MED13L: variants seen among roughly 807,000 people sequenced by gnomAD.
The protein encoded by MED13L is mediator of RNA polymerase II transcription subunit 13-like.
MED13L carries 7 observed loss-of-function variants against 220.9 expected under a neutral mutation model. The ratio of observed to expected loss-of-function variants is 0.03; its 90% CI spans 0.02 to 0.06. MED13L has a LOEUF of 0.06. Among genes scored for constraint, MED13L ranks in the 10% least tolerant of loss-of-function variants. The pLI, the probability that MED13L is intolerant of heterozygous loss-of-function variation, is 1.00. For missense variants in MED13L, 1,965 were observed against 2,760.5 expected (o/e 0.71, Z 6.46); for synonymous variants, 1,011 against 1,015.2 (o/e 1.00, Z 0.08).
At chr12:115,986,007 A>G (rs1313922110) in intron 19 of MED13L, among the ~76,000 whole-genome samples, 1 of 152,160 alleles carries the variant, frequency 6.6e-6, no homozygotes, top group Non-Finnish European at 1.5e-5. Context: ...ATAAATGGAG[A>G]AGAGAGAACT....
intron 19 of MED13L, among the ~76,000 whole-genome samples, chr12:115,985,231 G>C (rs1341148391): frequency 6.6e-6 from 1 of 152,080 alleles, no homozygotes; most frequent in Non-Finnish European, 1.5e-5. Flanking sequence ...AAATGGCTGG[G>C]CTTTAAAACT....
At chr12:116,071,420 T>G (rs1252520220) in intron 4 of MED13L, among the ~76,000 whole-genome samples, 1 of 152,200 alleles carries the variant, frequency 6.6e-6, no homozygotes, top group Non-Finnish European at 1.5e-5. Flanking sequence ...TTTGTTGTTG[T>G]TTTTGTTTTG....
chr12:116,166,618 G>T (rs981679051), intron 2 of MED13L, among the ~76,000 whole-genome samples: 1 of 151,896 alleles, frequency 6.6e-6, no homozygotes, highest in Non-Finnish European at 1.5e-5. Flanking sequence ...CATTTTTCTG[G>T]CCTCTTATTA....
intron 3 of MED13L, chr12:116,110,381 A>G (rs1034044269): frequency 6.6e-6 from 1 of 150,834 alleles, no homozygotes; most frequent in African/African-American, 2.4e-5. Context: ...AAATAAATAA[A>G]TAAATAAGGA....
chr12:116,248,099 C>T (rs769422171), intron 1 of MED13L, among the ~76,000 whole-genome samples: 98 of 152,294 alleles, frequency 6.4e-4, no homozygotes, highest in Non-Finnish European at 1.0e-3. Flanking sequence ...TAGAGGCTAT[C>T]TAGCCGCACA....
intron 5 of MED13L, among the ~76,000 whole-genome samples, chr12:116,020,847 AACTC>A (rs1327580597): frequency 3.3e-5 from 5 of 152,164 alleles, no homozygotes; most frequent in Non-Finnish European, 7.4e-5. Flanking sequence ...TTTTAACAAA[AACTC>A]AGCATGGTCA....
chr12:116,053,375 C>T (rs971321782), intron 4 of MED13L, among the ~76,000 whole-genome samples: 2 of 152,102 alleles, frequency 1.3e-5, no homozygotes, highest in African/African-American at 2.4e-5. Context: ...TTTAGGAAGA[C>T]ATTATTCTGG....
At chr12:116,059,319 CAAAGT>C (rs1869244668) in intron 4 of MED13L, among the ~76,000 whole-genome samples, 1 of 151,922 alleles carries the variant, frequency 6.6e-6, no homozygotes, top group Non-Finnish European at 1.5e-5. Flanking sequence ...CTAGGCCTCC[CAAAGT>C]TTTGAGATTA....
intron 2 of MED13L, among the ~76,000 whole-genome samples, chr12:116,154,014 A>G (rs1054721655): frequency 6.6e-6 from 1 of 152,244 alleles, no homozygotes; most frequent in Non-Finnish European, 1.5e-5. Flanking sequence ...AGCTGCCCGG[A>G]GCACTGCTCT....
intron 3 of MED13L, among the ~76,000 whole-genome samples, chr12:116,098,251 A>T (rs1320000939): frequency 1.3e-5 from 2 of 152,170 alleles, no homozygotes; most frequent in South Asian, 2.1e-4. Flanking sequence ...CATCTCAAAA[A>T]AAATAAATAA....
At chr12:116,245,330 G>A (rs903302885) in intron 1 of MED13L, among the ~76,000 whole-genome samples, 2 of 152,128 alleles carry the variant, frequency 1.3e-5, no homozygotes, top group Non-Finnish European at 2.9e-5. Context: ...ATCAGAGAGA[G>A]GTTCCCCAAC....
At chr12:116,230,510 T>C in intron 2 of MED13L, 2 of 982,932 alleles carry the variant, frequency 2.0e-6, no homozygotes, top group Non-Finnish European at 2.4e-6. Context: ...ATTCATGTTT[T>C]CAAAATCACC....
intron 2 of MED13L, among the ~76,000 whole-genome samples, chr12:116,140,298 G>T (rs1397673304): frequency 6.6e-6 from 1 of 152,142 alleles, no homozygotes; most frequent in Non-Finnish European, 1.5e-5. Context: ...TGAAGGTAAA[G>T]ATTTGCCTGT....
chr12:116,067,172 T>C (rs935323547), intron 4 of MED13L, among the ~76,000 whole-genome samples: 1 of 152,180 alleles, frequency 6.6e-6, no homozygotes, highest in African/African-American at 2.4e-5. Context: ...ATGTAAAAAC[T>C]ATTTTTATTA....
At chr12:116,250,553 C>T (rs1298925339) in intron 1 of MED13L, among the ~76,000 whole-genome samples, 1 of 146,372 alleles carries the variant, frequency 6.8e-6, no homozygotes, top group Non-Finnish European at 1.5e-5. Flanking sequence ...CACCTGAGGT[C>T]AGGAGTTCGA....
chr12:116,136,164 G>C (rs535905668), intron 2 of MED13L, among the ~76,000 whole-genome samples: 168 of 152,298 alleles, frequency 1.1e-3, no homozygotes, highest in Admixed American at 2.6e-3. Flanking sequence ...GCCTTCCAAA[G>C]TGCTGGGATT....
At chr12:116,094,440 T>C (rs1223437676) in intron 4 of MED13L, among the ~76,000 whole-genome samples, 1 of 152,184 alleles carries the variant, frequency 6.6e-6, no homozygotes. Flanking sequence ...CCCAAATACA[T>C]TACATGCATT....
chr12:116,176,033 T>C (rs1477164469), intron 2 of MED13L, among the ~76,000 whole-genome samples: 1 of 151,938 alleles, frequency 6.6e-6, no homozygotes, highest in Non-Finnish European at 1.5e-5. Flanking sequence ...AGGGAAGCTA[T>C]GGGAGTGGAA....
At chr12:116,246,346 G>C (rs1871096775) in intron 1 of MED13L, among the ~76,000 whole-genome samples, 1 of 151,972 alleles carries the variant, frequency 6.6e-6, no homozygotes, top group Admixed American at 6.6e-5. Context: ...CATAACGAAT[G>C]ATGACTCCAG....
Sources: gnomAD v4.1 joint callset for allele counts (sites outside exome capture counted in the v4.1 genomes callset) on GRCh38, gnomAD v4.1.1 for gene constraint, MANE v1.5 for transcripts, NCBI Gene and HGNC (gene_info 2026-07-23, HGNC 2026-07-21) for gene names.